THOC1: variants seen among roughly 807,000 people sequenced by gnomAD.
The protein encoded by THOC1 is THO complex subunit 1, also known as THO complex 1.
In THOC1, 29 loss-of-function variants were observed where a neutral mutation model predicts 97.3. The observed-to-expected ratio is 0.30, with a 90% confidence interval of 0.22 to 0.41. The LOEUF (loss-of-function observed/expected upper bound fraction) is 0.41. Among genes scored for constraint, THOC1 ranks in the 10% least tolerant of loss-of-function variants. The probability of loss-of-function intolerance (pLI) is 1.00; values close to 1 mark genes in which losing one functional copy is unlikely to be tolerated. For synonymous variants in THOC1, 255 were observed against 257.0 expected (o/e 0.99, Z 0.07); for missense variants, 529 against 761.9 (o/e 0.69, Z 3.60).
intron 9 of THOC1, among the ~76,000 whole-genome samples, chr18:251,247 A>G (rs1178592348): frequency 1.3e-5 from 2 of 152,210 alleles, no homozygotes; most frequent in Non-Finnish European, 2.9e-5. Flanking sequence ...ATTGGAGTTA[A>G]GCTTGGAGCC....
At chr18:249,133 A>G (rs1370065824) in intron 9 of THOC1, among the ~76,000 whole-genome samples, 1 of 152,212 alleles carries the variant, frequency 6.6e-6, no homozygotes, top group Non-Finnish European at 1.5e-5. Flanking sequence ...AAGAATACTG[A>G]CTTTTAACTA....
chr18:225,664 C>A, intron 12 of THOC1: 2 of 385,336 alleles, frequency 5.2e-6, no homozygotes, highest in South Asian at 5.6e-5. Flanking sequence ...ATGAACAGAG[C>A]AATATATGTT....
rs756967114 is a variant in THOC1 at position 252,630 on chromosome 18, T to A, written c.604-18A>T. On this transcript the variant is annotated intron_variant, in intron 8 of 20. Transcript: ENST00000261600. ...TCAGTGTGCTAAATTGAAAAAAAAATGTATAGCCTGTCATGAAGCAGTCAT... is the reference window on the plus strand; with the variant it reads ...TCAGTGTGCTAAATTGAAAAAAAAAAGTATAGCCTGTCATGAAGCAGTCAT... 4.5e-6 allele frequency: 7 copies of A among 1,569,328 alleles called. No individual in the cohort carries two copies. The South Asian group carries it at 4.5e-5, about 10-fold the overall frequency.
chr18:224,938 A>ACCC lies in THOC1; in HGVS notation c.1193_1194insGGG (p.Ser398delinsArgGly), dbSNP rs1911228651. On this transcript the variant is annotated protein_altering_variant, in exon 15 of 21. Transcript: ENST00000261600. ...TATGTATTTACCTTTCTTTCACAAA[A>ACCC]CTTGGGCAACCTTCATTTTTCCACG... 6.4e-7 allele frequency: 1 copy of ACCC among 1,573,154 alleles called. No individual in the cohort carries two copies.
At chr18:219,697 C>T (rs946376135) in intron 17 of THOC1, among the ~76,000 whole-genome samples, 1 of 152,084 alleles carries the variant, frequency 6.6e-6, no homozygotes, top group Admixed American at 6.6e-5. Flanking sequence ...TTTAATTACA[C>T]ACTATAATAT....
At position 244,669 on chromosome 18, in the gene THOC1, A is replaced by G. The variant is rs896296945; in HGVS notation, c.918+1655T>C. On this transcript the variant is annotated intron_variant, in intron 11 of 20. Transcript: ENST00000261600. ...ACAGTTATGGCATGATGTAATGAAGAGTAGATTTATCTTTCTTTATCCTGC... is the reference window on the plus strand; with the variant it reads ...ACAGTTATGGCATGATGTAATGAAGGGTAGATTTATCTTTCTTTATCCTGC... The G allele has an allele frequency of 2.6e-5, 4 of 152,290 alleles. No homozygotes were observed. In the East Asian group the frequency reaches 7.7e-4, roughly 29 times the overall value. 9.4% of individuals were successfully genotyped at this position (152,290 alleles called of 1,614,324 possible).
chr18:234,200 A>G (rs1454182398), intron 11 of THOC1, among the ~76,000 whole-genome samples: 2 of 152,202 alleles, frequency 1.3e-5, no homozygotes, highest in Admixed American at 6.5e-5. Context: ...TTTTCTCTGT[A>G]GACAATTATA....
At chr18:227,590 A>G (rs1006211330) in intron 11 of THOC1, among the ~76,000 whole-genome samples, 7 of 118,480 alleles carry the variant, frequency 5.9e-5, no homozygotes, top group African/African-American at 2.0e-4. Flanking sequence ...AAAGGACTTG[A>G]AGGTCACTCA....
chr18:236,175 T>C (rs893334479), intron 11 of THOC1, among the ~76,000 whole-genome samples: 14 of 152,122 alleles, frequency 9.2e-5, no homozygotes, highest in Admixed American at 5.2e-4. Flanking sequence ...TCATGAGTTT[T>C]GTTTTAGGTA....
rs1275395456 is a variant in THOC1 at position 242,054 on chromosome 18, C to CT, written c.918+4269dup. 2.6e-5 allele frequency among the ~76,000 whole-genome samples: 4 copies of CT among 152,212 alleles called. No homozygotes were observed. The highest frequency in any genetic ancestry group is 6.5e-5 in the Admixed American group (1 of 15,284). On this transcript the variant is annotated intron_variant, in intron 11 of 20. Transcript: ENST00000261600. The surrounding 1 kb of genome is among the most constrained non-coding windows in gnomAD (Gnocchi z 4.5). ...CTCCAGGTAGTACAAAAATGTGGCA[C>CT]TTTGTTTCTAGGGGAAACTTCTTTC... is the stretch of plus-strand genomic sequence containing the variant.
intron 12 of THOC1, chr18:226,433 T>C (rs1044208674): frequency 4.2e-5 from 7 of 168,372 alleles, no homozygotes; most frequent in Non-Finnish European, 8.9e-5. Context: ...TTGAATGTCC[T>C]GCAGAGCTCC....
intron 3 of THOC1, among the ~76,000 whole-genome samples, chr18:264,413 AG>A (rs1271304769): frequency 1.3e-5 from 2 of 152,260 alleles, no homozygotes; most frequent in Admixed American, 1.3e-4. Context: ...CCAGTGGCAC[AG>A]GGCAAAGGCA....
rs576376617 is a variant in THOC1 at position 223,582 on chromosome 18, A to G, written c.1305-77T>C. On this transcript the variant is annotated intron_variant, in intron 16 of 20. Coordinates refer to ENST00000261600, the MANE Select transcript of THOC1 (RefSeq NM_005131.3). ...GTGCCTTGAAACTGAACAGAAAAACAATACAATGTAAACAGTGGATTTGGG... is the reference window on the plus strand; with the variant it reads ...GTGCCTTGAAACTGAACAGAAAAACGATACAATGTAAACAGTGGATTTGGG... 43 of 1,148,708 alleles carry G rather than the reference A, an allele frequency of 3.7e-5. No individual in the cohort carries two copies. The African/African-American group carries it at 6.4e-4, about 17-fold the overall frequency. 71.2% of individuals were successfully genotyped at this position (1,148,708 alleles called of 1,614,324 possible).
intron 7 of THOC1, among the ~76,000 whole-genome samples, chr18:257,004 C>T (rs1026209727): frequency 6.6e-6 from 1 of 152,186 alleles, no homozygotes; most frequent in Admixed American, 6.5e-5. Context: ...GTGGTCATTA[C>T]CAGTTTTTAG....
rs922649715 is a variant in THOC1, at chr18:254,648, C to T, written c.521-293G>A. Among the ~76,000 whole-genome samples the T allele has an allele frequency of 4.3e-4, 65 of 152,114 alleles. No homozygotes were observed. Among genetic ancestry groups the T allele is most frequent in the African/African-American group, 1.5e-3 (63 of 41,408 alleles). On this transcript the variant is annotated intron_variant, in intron 7 of 20. Transcript: ENST00000261600. The surrounding 1 kb of genome is among the most constrained non-coding windows in gnomAD (Gnocchi z 4.1). The stretch of plus-strand genomic sequence containing the variant: ...TTTTTCCAACAGCATATGCTCACTT[C>T]CTCTGTCACATTTTGGTAATTCTCA...
intron 7 of THOC1, among the ~76,000 whole-genome samples, chr18:255,137 TGAGAC>T (rs1912397667): frequency 6.6e-6 from 1 of 152,222 alleles, no homozygotes; most frequent in Non-Finnish European, 1.5e-5. Flanking sequence ...CCTTATTCCC[TGAGAC>T]GAGACAATAT....
chr18:266,959 A>T (rs1168391932), intron 1 of THOC1, among the ~76,000 whole-genome samples: 4 of 151,648 alleles, frequency 2.6e-5, no homozygotes, highest in African/African-American at 9.7e-5. Context: ...TAATCCATTT[A>T]AAAAAAACCT....
chr18:238,063 C>G (rs1279292474), intron 11 of THOC1, among the ~76,000 whole-genome samples: 1 of 152,060 alleles, frequency 6.6e-6, no homozygotes, highest in Non-Finnish European at 1.5e-5. Flanking sequence ...TGGGGTTTCA[C>G]CATGTTGGCC....
intron 11 of THOC1, among the ~76,000 whole-genome samples, chr18:235,194 C>A: frequency 6.6e-6 from 1 of 150,758 alleles, no homozygotes; most frequent in East Asian, 2.0e-4. Context: ...TCCTCTTAAT[C>A]ATTTGAAATA....
Sources: gnomAD v4.1 joint callset for allele counts (sites outside exome capture counted in the v4.1 genomes callset) on GRCh38, gnomAD v4.1.1 for gene constraint, Gnocchi (gnomAD v3.1) non-coding constraint, MANE v1.5 for transcripts, NCBI Gene and HGNC (gene_info 2026-07-23, HGNC 2026-07-21) for gene names.